The following KLC1 variants were observed in gnomAD, a reference collection of about 807,000 sequenced individuals.
KLC1 encodes the protein kinesin light chain 1, also known as kinesin 2 60/70kDa.
In KLC1, 30 loss-of-function variants were observed where a neutral mutation model predicts 84.2. The observed-to-expected ratio is 0.36, with a 90% CI of 0.27 to 0.48. KLC1 has a LOEUF of 0.48. Ranked by LOEUF, KLC1 falls within the 20% of genes least tolerant of loss-of-function variation. The pLI is 0.99. For missense variants in KLC1, 499 were observed against 805.4 expected (o/e 0.62, Z 4.60); for synonymous variants, 289 against 293.3 (o/e 0.99, Z 0.15).
intron 3 of KLC1, among the ~76,000 whole-genome samples, chr14:103,658,849 G>A (rs1329417528): frequency 6.6e-6 from 1 of 151,382 alleles, no homozygotes; most frequent in African/African-American, 2.4e-5. Context: ...AGTAGAGATA[G>A]GGTTTCATTG....
intron 6 of KLC1, 106 bp downstream of exon 6, chr14:103,669,704 T>A: frequency 1.3e-6 from 1 of 793,338 alleles, no homozygotes; most frequent in Admixed American, 2.0e-5. Flanking sequence ...GTTTAAGTGC[T>A]GCCTTTTCCC....
intron 12 of KLC1, among the ~76,000 whole-genome samples, chr14:103,677,962 G>A (rs1254683580): frequency 5.7e-5 from 7 of 122,372 alleles, no homozygotes; most frequent in African/African-American, 1.4e-4. Flanking sequence ...ACGAGACTCC[G>A]TCTCAATTTA....
chr14:103,644,300 C>G (rs1390780130), intron 1 of KLC1, among the ~76,000 whole-genome samples: 3 of 150,696 alleles, frequency 2.0e-5, no homozygotes, highest in African/African-American at 7.3e-5. Flanking sequence ...CGCTTTGTCG[C>G]CCAGGCTGGA....
intron 1 of KLC1, among the ~76,000 whole-genome samples, chr14:103,631,721 C>G (rs1298484954): frequency 1.3e-5 from 2 of 152,108 alleles, no homozygotes; most frequent in African/African-American, 4.8e-5. Flanking sequence ...CCTCAGCCTC[C>G]CTAGTAGCTG....
intron 2 of KLC1, 44 bp downstream of exon 2, chr14:103,654,869 G>A (rs773960294): frequency 6.4e-7 from 1 of 1,572,008 alleles, no homozygotes; most frequent in Non-Finnish European, 8.6e-7. Flanking sequence ...ACTTTTGATG[G>A]TAAAATGGAG....
chr14:103,638,140 G>A lies in KLC1; in HGVS notation c.-2+8646G>A, dbSNP rs1161804962. Among the ~76,000 whole-genome samples, 4 of 152,016 alleles carry A rather than the reference G, an allele frequency of 2.6e-5. No homozygotes were observed. The East Asian group carries it at 7.7e-4, about 29-fold the overall frequency. On this transcript the variant is annotated intron_variant, in intron 1 of 16. Transcript: ENST00000334553. Reference sequence around the variant, plus strand: ...TGACCCTGCTGATCTGGCCAGCACTGCCAGGGTTTCCTGTTGCCCATCTCT... The same window carrying A: ...TGACCCTGCTGATCTGGCCAGCACTACCAGGGTTTCCTGTTGCCCATCTCT...
At chr14:103,644,981 T>C (rs916742712) in intron 1 of KLC1, among the ~76,000 whole-genome samples, 2 of 151,832 alleles carry the variant, frequency 1.3e-5, no homozygotes, top group Non-Finnish European at 1.5e-5. Flanking sequence ...CTCTCTCTCT[T>C]TCTTTCTTTT....
intron 1 of KLC1, among the ~76,000 whole-genome samples, chr14:103,641,229 A>G (rs1470186457): frequency 6.6e-6 from 1 of 152,090 alleles, no homozygotes; most frequent in African/African-American, 2.4e-5. Context: ...AGCCTGGTAC[A>G]TTATTATTAA....
In KLC1 at chr14:103,665,388, T is replaced by G. The variant is rs116996380; in HGVS notation, c.797+2461T>G. ...GGATTGATTGATTTCTTTTCTTTCT[T>G]TCTGTCTGTCTGTCTGTCTTTCTGT... On this transcript the variant is annotated intron_variant, in intron 5 of 16. Coordinates refer to ENST00000334553, the MANE Select transcript of KLC1 (RefSeq NM_001394837.1). 3.6e-3 allele frequency among the ~76,000 whole-genome samples: 544 copies of G among 151,996 alleles called. 3 individuals are homozygous for G. The highest frequency in any genetic ancestry group is 0.031 in the Middle Eastern group (9 of 294).
intron 7 of KLC1, among the ~76,000 whole-genome samples, chr14:103,670,557 A>G (rs1314133074): frequency 6.6e-6 from 1 of 151,280 alleles, no homozygotes; most frequent in Non-Finnish European, 1.5e-5. Flanking sequence ...GGATGTTCTC[A>G]ATCTCTTGAC....
chr14:103,692,414 G>A lies in KLC1; in HGVS notation c.1837G>A (p.Asp613Asn), dbSNP rs529287805. The change falls in exon 15 of 17, where the codon GAT (aspartate) becomes AAT (asparagine). Residue 613 changes from aspartate (D) to asparagine (N), a missense_variant. Asp to Asn is a conservative substitution (Grantham distance 23). Coordinates refer to ENST00000334553, the MANE Select transcript of KLC1 (RefSeq NM_001394837.1). ...TAACGTGGGTGGCAAGGCTGCTGAA[G>A]ATCGCTTTCAAGTAAGGAGCCTACC... ...VLNVGGKAAE[D>N]RFQGVSGRAS... 1.3e-6 allele frequency: 2 copies of A among 1,536,666 alleles called. No homozygotes were observed. Among genetic ancestry groups the A allele is most frequent in the African/African-American group, 2.7e-5 (2 of 73,164 alleles).
In KLC1 at chr14:103,677,290, A is replaced by G. The variant is rs1053479984; in HGVS notation, c.1380-125A>G. On this transcript the variant is annotated intron_variant, in intron 11 of 16. Transcript: ENST00000334553. ...CAATTTTACAGTTTCAGAAAAGTACAAGAGAAAGTTAAAATATATTCAAGC... is the reference window on the plus strand; with the variant it reads ...CAATTTTACAGTTTCAGAAAAGTACGAGAGAAAGTTAAAATATATTCAAGC... 92 of 680,470 alleles carry G rather than the reference A, an allele frequency of 1.4e-4. No individual in the cohort carries two copies. In the East Asian group the frequency reaches 2.3e-3, roughly 17 times the overall value. The allele number at this position is 680,470 out of a possible 1,614,324, so 42.2% of individuals were successfully genotyped here.
At chr14:103,663,634 A>G (rs1256829102) in intron 5 of KLC1, among the ~76,000 whole-genome samples, 1 of 152,138 alleles carries the variant, frequency 6.6e-6, no homozygotes, top group Non-Finnish European at 1.5e-5. Context: ...CCGGGATTCA[A>G]CTTGCCCTTT....
rs954202433 is a variant in KLC1 at position 103,692,216 on chromosome 14, C to T, written c.1782-143C>T. 4.3e-5 allele frequency: 29 copies of T among 668,900 alleles called. 1 individual carries two copies. The highest frequency in any genetic ancestry group is 2.4e-4 in the Middle Eastern group (1 of 4,100). The allele number at this position is 668,900 out of a possible 1,614,324, so 41.4% of individuals were successfully genotyped here. On this transcript the variant is annotated intron_variant, in intron 14 of 16. Transcript: ENST00000334553. ...AAATAGAGTGAGACATAGGACTCCCCGGTTACCCAAGCAAGATGAAGGCAA... is the reference window on the plus strand; with the variant it reads ...AAATAGAGTGAGACATAGGACTCCCTGGTTACCCAAGCAAGATGAAGGCAA...
In KLC1 at chr14:103,631,139, G is replaced by A. The variant is rs780657889; in HGVS notation, c.-2+1645G>A. Among the ~76,000 whole-genome samples the A allele has an allele frequency of 7.3e-5, 11 of 151,098 alleles. No individual in the cohort carries two copies. The Middle Eastern group carries it at 0.014, about 187-fold the overall frequency. ...TCTGTCGCCCGGGCTGGAGTGTAGT[G>A]GCGCGATCTCGGCTCACTGCAAGCT... On this transcript the variant is annotated intron_variant, in intron 1 of 16. Coordinates refer to ENST00000334553, the MANE Select transcript of KLC1 (RefSeq NM_001394837.1).
rs372273251 is a variant in KLC1, at chr14:103,639,408, G to A, written c.-2+9914G>A. 1.5e-4 allele frequency among the ~76,000 whole-genome samples: 23 copies of A among 152,270 alleles called. No individual in the cohort carries two copies. In the East Asian group the frequency reaches 4.1e-3, roughly 27 times the overall value. On this transcript the variant is annotated intron_variant, in intron 1 of 16. Transcript: ENST00000334553. ...AGCCTCCCAAAGTGTTGGGATTACA[G>A]GTGTGAGCCACCACGCCTGGCTCTT...
chr14:103,681,098 G>C (rs867750339), intron 13 of KLC1, among the ~76,000 whole-genome samples: 1 of 152,144 alleles, frequency 6.6e-6, no homozygotes, highest in Non-Finnish European at 1.5e-5. Flanking sequence ...CTCCTTCCAC[G>C]CTTCCTTTCT....
chr14:103,690,627 T>C (rs2082050765), intron 14 of KLC1, among the ~76,000 whole-genome samples: 2 of 19,578 alleles, frequency 1.0e-4, no homozygotes, highest in African/African-American at 1.7e-4. Context: ...GCTGCGCTCA[T>C]GTTCGCTGTC....
At chr14:103,672,339 T>A (rs1403258539) in intron 7 of KLC1, among the ~76,000 whole-genome samples, 1 of 152,222 alleles carries the variant, frequency 6.6e-6, no homozygotes, top group African/African-American at 2.4e-5. Flanking sequence ...GAGGTTAGTG[T>A]TCATTCATCT....
Sources: allele counts gnomAD v4.1 joint callset (sites outside exome capture counted in the v4.1 genomes callset), GRCh38; gene constraint gnomAD v4.1.1; transcripts MANE v1.5; gene names NCBI Gene and HGNC (gene_info 2026-07-23, HGNC 2026-07-21).